Variants in SLK observed in about 807,000 individuals in gnomAD.
The protein encoded by SLK is STE20 like kinase.
A neutral mutation model predicts 147.7 loss-of-function variants in SLK; 67 were observed. The ratio of observed to expected loss-of-function variants is 0.45; its 90% CI spans 0.37 to 0.56. The LOEUF (loss-of-function observed/expected upper bound fraction) is 0.56, where lower values mean the gene tolerates loss of function less well. SLK is among the 20% of genes least tolerant of loss of function. The pLI is 0.00. For missense variants in SLK, 1,136 were observed against 1,438.8 expected (o/e 0.79, Z 3.41); for synonymous variants, 441 against 475.0 (o/e 0.93, Z 0.93).
At chr10:103,979,659 C>T (rs1843915571) in intron 1 of SLK, among the ~76,000 whole-genome samples, 1 of 151,946 alleles carries the variant, frequency 6.6e-6, no homozygotes, top group South Asian at 2.1e-4. Flanking sequence ...GTTTATTGGC[C>T]ATTTGGATTT....
chr10:103,982,374 A>G (rs1843957956), intron 1 of SLK, among the ~76,000 whole-genome samples: 1 of 152,220 alleles, frequency 6.6e-6, no homozygotes, highest in African/African-American at 2.4e-5. Flanking sequence ...GAAACTGCAG[A>G]CTTAGCCAAA....
Position 104,025,732 on chromosome 10 carries a change from A to G in SLK, c.*12A>G. The G allele has an allele frequency of 1.2e-6, 2 of 1,613,574 alleles. No individual in the cohort carries two copies. The highest frequency in any genetic ancestry group is 1.7e-6 in the Non-Finnish European group (2 of 1,179,612). On this transcript the variant is annotated 3_prime_UTR_variant, in exon 19 of 19. Coordinates refer to ENST00000369755, the MANE Select transcript of SLK (RefSeq NM_014720.4). ...CCACCGGATCATAACAAAGGGAAGC[A>G]TTCTGTGCGTGGGTTTGGCTCTTTC...
At position 104,021,728 on chromosome 10, in the gene SLK, A is replaced by G; in HGVS notation, c.3556A>G (p.Lys1186Glu). The G allele has an allele frequency of 1.3e-6, 2 of 1,544,428 alleles. No individual in the cohort carries two copies. The highest frequency in any genetic ancestry group is 2.3e-5 in the South Asian group (2 of 88,144). The part of the protein sequence containing the change: ...KEWREKLRPR[K>E]KTLEEEFARK... Reference sequence around the variant, plus strand: ...GTGGAGAGAGAAATTGAGACCTAGGAAAAAGGTAATTTTAAAAGCTTTAAT... The same window carrying G: ...GTGGAGAGAGAAATTGAGACCTAGGGAAAAGGTAATTTTAAAAGCTTTAAT... Residue 1186 changes from lysine (K) to glutamate (E), a missense_variant, in exon 18 of 19, where the codon AAA (lysine) becomes GAA (glutamate). Coordinates refer to ENST00000369755, the MANE Select transcript of SLK (RefSeq NM_014720.4).
At chr10:104,008,807 T>G (rs1174577051) in intron 12 of SLK, among the ~76,000 whole-genome samples, 4 of 152,246 alleles carry the variant, frequency 2.6e-5, no homozygotes, top group Non-Finnish European at 5.9e-5. Context: ...TATAAGTTAT[T>G]TTTCATCTTT....
At chr10:103,988,972 T>C (rs1291664061) in intron 1 of SLK, among the ~76,000 whole-genome samples, 1 of 152,186 alleles carries the variant, frequency 6.6e-6, no homozygotes, top group Non-Finnish European at 1.5e-5. Flanking sequence ...AGGCTGTGAT[T>C]TGAAATGCTG....
chr10:103,991,502 A>G (rs1191183148), intron 2 of SLK, among the ~76,000 whole-genome samples: 1 of 152,056 alleles, frequency 6.6e-6, no homozygotes, highest in African/African-American at 2.4e-5. Flanking sequence ...GTTTTATGAG[A>G]GAGAAGAGTA....
chr10:103,976,567 C>A (rs1843873746), intron 1 of SLK, among the ~76,000 whole-genome samples: 1 of 150,238 alleles, frequency 6.7e-6, no homozygotes, highest in African/African-American at 2.5e-5. Context: ...GGTGGAATTC[C>A]TGGTTATTTG....
intron 11 of SLK, among the ~76,000 whole-genome samples, chr10:104,006,657 A>C (rs1016929157): frequency 6.6e-6 from 1 of 152,208 alleles, no homozygotes; most frequent in African/African-American, 2.4e-5. Flanking sequence ...ATCTGCCTTA[A>C]TGTAGGTTAG....
Position 104,002,443 on chromosome 10 carries a change from A to C in SLK, c.1265A>C (p.Asn422Thr), listed in dbSNP as rs199864933. ...GACAGAACAGCAGTAATCAAGGAGA[A>C]TGAAAGAGAGAAGAGGCCCAAGCTT... ...LHDRTAVIKENEREKRPKLEN... is the reference protein window; with the variant it reads ...LHDRTAVIKETEREKRPKLEN... Residue 422 changes from asparagine to threonine, a missense_variant, in exon 9 of 19, where the codon AAT becomes ACT. Physicochemically the swap from Asn to Thr is moderately conservative, Grantham distance 65 (BLOSUM62 0). Transcript: ENST00000369755. The C allele has an allele frequency of 6.2e-7, 1 of 1,614,076 alleles. No individual in the cohort carries two copies. The highest frequency in any genetic ancestry group is 2.2e-5 in the East Asian group (1 of 44,882).
At chr10:103,980,048 C>T (rs1227919889) in intron 1 of SLK, among the ~76,000 whole-genome samples, 1 of 151,948 alleles carries the variant, frequency 6.6e-6, no homozygotes, top group South Asian at 2.1e-4. Flanking sequence ...AGGTAAGGAC[C>T]GAATTTTATT....
Position 104,008,305 on chromosome 10 carries a change from A to G in SLK, c.2733A>G (p.Gln911=), listed in dbSNP as rs771753337. Reference sequence around the variant, plus strand: ...AAGCCAAACGCATCAAAGGAGAACAAGAGAAAGAGTTGTCCAAATTTCAGA... The same window carrying G: ...AAGCCAAACGCATCAAAGGAGAACAGGAGAAAGAGTTGTCCAAATTTCAGA... ...RDEAKRIKGE[Q]EKELSKFQNM... Residue 911 remains glutamine, a synonymous_variant, in exon 12 of 19, where the codon CAA becomes CAG. Coordinates refer to ENST00000369755, the MANE Select transcript of SLK (RefSeq NM_014720.4). 7 of 1,613,828 alleles carry G rather than the reference A, an allele frequency of 4.3e-6. No homozygotes were observed. The South Asian group carries it at 6.6e-5, about 15-fold the overall frequency.
intron 13 of SLK, among the ~76,000 whole-genome samples, chr10:104,015,322 G>A (rs540721616): frequency 3.3e-4 from 51 of 152,306 alleles, no homozygotes; most frequent in African/African-American, 1.2e-3. Flanking sequence ...GAGCCACACA[G>A]TGCTAGTTCT....
At chr10:103,984,034 T>C (rs192580456) in intron 1 of SLK, among the ~76,000 whole-genome samples, 8 of 152,316 alleles carry the variant, frequency 5.3e-5, no homozygotes, top group Admixed American at 1.3e-4. Context: ...TATTATTTTT[T>C]CAGTTGGCAA....
intron 1 of SLK, among the ~76,000 whole-genome samples, chr10:103,987,450 AT>A (rs1399554406): frequency 2.0e-5 from 3 of 152,180 alleles, no homozygotes; most frequent in Non-Finnish European, 4.4e-5. Flanking sequence ...ATTTAGGCTG[AT>A]TCACTTTTTC....
At chr10:104,009,888 G>T (rs1254119899) in intron 12 of SLK, among the ~76,000 whole-genome samples, 2 of 151,848 alleles carry the variant, frequency 1.3e-5, no homozygotes, top group Non-Finnish European at 2.9e-5. Context: ...TTAAATACAC[G>T]ATGTTAAATC....
chr10:104,019,684 G>A (rs1295115817), intron 15 of SLK, 50 bp from the exon 16 acceptor site: 1 of 1,339,690 alleles, frequency 7.5e-7, no homozygotes, highest in Non-Finnish European at 1.1e-6. Flanking sequence ...ATGCATGTGG[G>A]TACTGACTAT....
chr10:104,006,104 A>C, intron 11 of SLK, 69 bp downstream of exon 11: 1 of 1,457,410 alleles, frequency 6.9e-7, no homozygotes, highest in Non-Finnish European at 9.3e-7. Context: ...CATTAAAAAC[A>C]GACAAACAAA....
chr10:103,996,400 C>CTTTTT (rs555751299), intron 4 of SLK, among the ~76,000 whole-genome samples: 5 of 106,448 alleles, frequency 4.7e-5, no homozygotes, highest in Non-Finnish European at 9.7e-5. Context: ...TTTTTCTTTT[C>CTTTTT]TTTTTTTTTT....
rs1161812020 is a variant in SLK at position 103,967,901 on chromosome 10, AGG to A, written c.150+10_150+11del. 1.8e-6 allele frequency: 2 copies of A among 1,097,316 alleles called. No homozygotes were observed. Among genetic ancestry groups the A allele is most frequent in the Admixed American group, 6.5e-5 (2 of 30,884 alleles). 68.0% of individuals were successfully genotyped at this position (1,097,316 alleles called of 1,614,324 possible). A position where few individuals can be genotyped will look rare whatever the true frequency, so the allele number is the denominator to read the frequency against. On this transcript the variant is annotated splice_region_variant and intron_variant, in intron 1 of 18. Transcript: ENST00000369755. ...CCTTTGGGAAAGTGTACAAGGTAAG[AGG>A]GGGAAAACGGGAAGTTGTACTGCGA...
Sources: allele counts gnomAD v4.1 joint callset (sites outside exome capture counted in the v4.1 genomes callset), GRCh38; gene constraint gnomAD v4.1.1; transcripts MANE v1.5; gene names NCBI Gene and HGNC (gene_info 2026-07-23, HGNC 2026-07-21).